Variants in CYS1 observed in about 807,000 individuals in gnomAD.
CYS1 encodes the protein cystin 1.
In CYS1, 5 loss-of-function variants were observed where a neutral mutation model predicts 9.6. The observed-to-expected ratio is 0.52, with a 90% CI of 0.27 to 1.10. The LOEUF (loss-of-function observed/expected upper bound fraction) is 1.10, where lower values mean the gene tolerates loss of function less well. CYS1 is among the 50% of genes least tolerant of loss of function. The probability of loss-of-function intolerance (pLI) is 0.11; values close to 1 mark genes in which losing one functional copy is unlikely to be tolerated. For missense variants in CYS1, 221 were observed against 207.9 expected (o/e 1.06, Z -0.39); for synonymous variants, 88 against 95.7 (o/e 0.92, Z 0.47).
At chr2:10,067,174 C>T (rs896818304) in intron 1 of CYS1, among the ~76,000 whole-genome samples, 6 of 152,018 alleles carry the variant, frequency 3.9e-5, no homozygotes, top group African/African-American at 9.7e-5. Flanking sequence ...CGCCACCACA[C>T]GCAGCTAATT....
intron 2 of CYS1, among the ~76,000 whole-genome samples, chr2:10,065,486 G>A (rs1029013608): frequency 5.3e-5 from 8 of 152,246 alleles, no homozygotes; most frequent in Non-Finnish European, 8.8e-5. Context: ...GGTGTTCAGC[G>A]TGGTTCCCTG....
At position 10,063,813 on chromosome 2, in the gene CYS1, G is replaced by A. The variant is rs1661659446; in HGVS notation, c.371+2091C>T. Among the ~76,000 whole-genome samples the A allele has an allele frequency of 6.6e-6, 1 of 152,250 alleles. No homozygotes were observed. Among genetic ancestry groups the A allele is most frequent in the Non-Finnish European group, 1.5e-5 (1 of 68,042 alleles). Reference sequence around the variant, plus strand: ...TGCTGCCAGCCCTGACCCTGGGGCAGGACTGCTGGGACCTGGGGCTTCCTT... The same window carrying A: ...TGCTGCCAGCCCTGACCCTGGGGCAAGACTGCTGGGACCTGGGGCTTCCTT... On this transcript the variant is annotated intron_variant, in intron 2 of 2. Transcript: ENST00000381813. The surrounding 1 kb of genome is among the most constrained non-coding windows in gnomAD (Gnocchi z 4.2).
At chr2:10,069,769 A>T (rs1661741098) in intron 1 of CYS1, among the ~76,000 whole-genome samples, 1 of 152,228 alleles carries the variant, frequency 6.6e-6, no homozygotes, top group African/African-American at 2.4e-5. Flanking sequence ...AATGTGTAAT[A>T]AGGCCAGAAA....
rs946675097 is a variant in CYS1 at position 10,080,247 on chromosome 2, C to G, written c.-24G>C. 2.9e-6 allele frequency: 3 copies of G among 1,039,000 alleles called. No homozygotes were observed. Among genetic ancestry groups the G allele is most frequent in the Admixed American group, 1.1e-4 (2 of 17,514 alleles). The allele number at this position is 1,039,000 out of a possible 1,614,324, so 64.4% of individuals were successfully genotyped here. A position where few individuals can be genotyped will look rare whatever the true frequency, so the allele number is the denominator to read the frequency against. On this transcript the variant is annotated 5_prime_UTR_variant, in exon 1 of 3. Coordinates refer to ENST00000381813, the MANE Select transcript of CYS1 (RefSeq NM_001037160.3). The surrounding 1 kb of genome is among the most constrained non-coding windows in gnomAD (Gnocchi z 6.4). ...ATGGCGCGCCCGCCGCCTCCCGGACCGCCGAGGGGGCCCCCATGAGGGGGC... is the reference window on the plus strand; with the variant it reads ...ATGGCGCGCCCGCCGCCTCCCGGACGGCCGAGGGGGCCCCCATGAGGGGGC...
intron 1 of CYS1, among the ~76,000 whole-genome samples, chr2:10,066,421 C>T (rs949435765): frequency 6.6e-6 from 1 of 152,220 alleles, no homozygotes; most frequent in Non-Finnish European, 1.5e-5. Context: ...CCTCCAGGAA[C>T]CACGCGACCC....
chr2:10,057,351 C>T lies in CYS1; in HGVS notation c.*1502G>A, dbSNP rs1297952694. On this transcript the variant is annotated 3_prime_UTR_variant, in exon 3 of 3. Transcript: ENST00000381813. ...CTCTGACTTCAAAAGTTGGAGTTTC[C>T]CAGCTGCGAACAGCTGGTCAAAGGC... 1 of 152,278 alleles carries T rather than the reference C, an allele frequency of 6.6e-6. No homozygotes were observed. Among genetic ancestry groups the T allele is most frequent in the Non-Finnish European group, 1.5e-5 (1 of 68,064 alleles). The allele number at this position is 152,278 out of a possible 1,614,324, so 9.4% of individuals were successfully genotyped here.
intron 1 of CYS1, among the ~76,000 whole-genome samples, chr2:10,069,384 T>G (rs535920474): frequency 2.0e-4 from 31 of 152,128 alleles, no homozygotes; most frequent in Middle Eastern, 3.4e-3. Context: ...TGTTGTTGTT[T>G]TTTGCGACGG....
Position 10,076,102 on chromosome 2 carries a change from T to C in CYS1, c.318+3804A>G, listed in dbSNP as rs1280310539. 6.6e-6 allele frequency among the ~76,000 whole-genome samples: 1 copy of C among 152,150 alleles called. No homozygotes were observed. The highest frequency in any genetic ancestry group is 1.5e-5 in the Non-Finnish European group (1 of 68,034). On this transcript the variant is annotated intron_variant, in intron 1 of 2. Coordinates refer to ENST00000381813, the MANE Select transcript of CYS1 (RefSeq NM_001037160.3). The surrounding 1 kb of genome is among the most constrained non-coding windows in gnomAD (Gnocchi z 4.3). ...TACTCGGGATGCTGAGACAGGAGAATTGCTTGAATCCTGGAGGCAGAGGTT... is the reference window on the plus strand; with the variant it reads ...TACTCGGGATGCTGAGACAGGAGAACTGCTTGAATCCTGGAGGCAGAGGTT...
At chr2:10,061,361 C>T (rs1442180818) in intron 2 of CYS1, among the ~76,000 whole-genome samples, 1 of 152,240 alleles carries the variant, frequency 6.6e-6, no homozygotes, top group Non-Finnish European at 1.5e-5. Context: ...GGGCTCACCT[C>T]CCCTGAGGAT....
At chr2:10,060,118 G>T (rs899555610) in intron 2 of CYS1, among the ~76,000 whole-genome samples, 1 of 152,266 alleles carries the variant, frequency 6.6e-6, no homozygotes, top group East Asian at 1.9e-4. Flanking sequence ...TGCCTCGGAA[G>T]GGGGTGTGCA....
intron 1 of CYS1, among the ~76,000 whole-genome samples, chr2:10,071,575 C>T (rs1327093190): frequency 2.0e-5 from 3 of 152,260 alleles, no homozygotes; most frequent in South Asian, 2.1e-4. Flanking sequence ...GTGTTTTTCT[C>T]TGTGCCTGAG....
intron 2 of CYS1, 105 bp downstream of exon 2, chr2:10,065,799 G>A: frequency 2.7e-6 from 3 of 1,128,736 alleles, no homozygotes; most frequent in East Asian, 2.4e-5. Context: ...TGGAAACCTC[G>A]TGAGGACCTG....
At chr2:10,077,683 G>A (rs757129464) in intron 1 of CYS1, among the ~76,000 whole-genome samples, 3 of 151,848 alleles carry the variant, frequency 2.0e-5, no homozygotes, top group African/African-American at 7.3e-5. Flanking sequence ...AAATTAGCTG[G>A]CCGTGGTGGC....
intron 1 of CYS1, among the ~76,000 whole-genome samples, chr2:10,071,588 T>C (rs1661769289): frequency 6.6e-6 from 1 of 152,222 alleles, no homozygotes; most frequent in African/African-American, 2.4e-5. Context: ...TGCCTGAGAT[T>C]TTATTGCGTG....
chr2:10,074,791 A>G (rs1455155151), intron 1 of CYS1, among the ~76,000 whole-genome samples: 1 of 152,196 alleles, frequency 6.6e-6, no homozygotes, highest in East Asian at 1.9e-4. Context: ...CACCTGGCTG[A>G]ATGGCACATA....
Position 10,063,205 on chromosome 2 carries a change from G to A in CYS1, c.371+2699C>T, listed in dbSNP as rs1318735270. 1.3e-5 allele frequency among the ~76,000 whole-genome samples: 2 copies of A among 152,202 alleles called. No homozygotes were observed. The highest frequency in any genetic ancestry group is 2.4e-5 in the African/African-American group (1 of 41,438). ...CCTGGAGCTATGAGGGCCCAGAGGC[G>A]AATCTGATTCCTTCTGTGATGAGGC... On this transcript the variant is annotated intron_variant, in intron 2 of 2. Coordinates refer to ENST00000381813, the MANE Select transcript of CYS1 (RefSeq NM_001037160.3). This position sits in a 1 kb window ranked among gnomAD's most constrained non-coding sequence, Gnocchi z 4.2.
chr2:10,074,624 T>C (rs1661818096), intron 1 of CYS1, among the ~76,000 whole-genome samples: 1 of 152,196 alleles, frequency 6.6e-6, no homozygotes, highest in Admixed American at 6.5e-5. Context: ...TGCCTGTGTA[T>C]TACCTCTTCT....
rs1195760207 is a variant in CYS1, at chr2:10,056,795, C to T, written c.*2058G>A. 6.6e-6 allele frequency: 1 copy of T among 152,230 alleles called. No individual in the cohort carries two copies. The highest frequency in any genetic ancestry group is 1.9e-4 in the East Asian group (1 of 5,198). The allele number at this position is 152,230 out of a possible 1,614,324, so 9.4% of individuals were successfully genotyped here. A position where few individuals can be genotyped will look rare whatever the true frequency, so the allele number is the denominator to read the frequency against. On this transcript the variant is annotated 3_prime_UTR_variant, in exon 3 of 3. Coordinates refer to ENST00000381813, the MANE Select transcript of CYS1 (RefSeq NM_001037160.3). ...CCGGCTCAGCGGCTGGTACACACTG[C>T]TTTATTTGTTCTTTTTATTATTATT...
At chr2:10,068,877 T>C (rs1661729438) in intron 1 of CYS1, among the ~76,000 whole-genome samples, 1 of 151,982 alleles carries the variant, frequency 6.6e-6, no homozygotes, top group Non-Finnish European at 1.5e-5. Flanking sequence ...GCCTGGCCAA[T>C]GTGGTGAAAC....
Sources: gnomAD v4.1 joint callset for allele counts (sites outside exome capture counted in the v4.1 genomes callset) on GRCh38, gnomAD v4.1.1 for gene constraint, Gnocchi (gnomAD v3.1) non-coding constraint, MANE v1.5 for transcripts, NCBI Gene and HGNC (gene_info 2026-07-23, HGNC 2026-07-21) for gene names.